SNAP47: variants seen among roughly 807,000 people sequenced by gnomAD.
The protein encoded by SNAP47 is synaptosome associated protein 47.
Under a neutral mutation model 31.4 loss-of-function variants are expected in SNAP47, and 20 were observed. That is an observed-to-expected ratio of 0.64 (90% CI 0.45 to 0.93). The LOEUF is 0.93. Ranked by LOEUF, SNAP47 falls within the 40% of genes least tolerant of loss-of-function variation. The pLI, the probability that SNAP47 is intolerant of heterozygous loss-of-function variation, is 0.00. For missense variants in SNAP47, 492 were observed against 528.5 expected, an observed-to-expected ratio of 0.93 and a Z score of 0.68; for synonymous variants, 194 against 213.4, an observed-to-expected ratio of 0.91 and a Z score of 0.79.
chr1:227,750,012 A>G (rs1246247227), intron 2 of SNAP47, among the ~76,000 whole-genome samples: 1 of 152,222 alleles, frequency 6.6e-6, no homozygotes, highest in Non-Finnish European at 1.5e-5. Context: ...TGTCCCTGGA[A>G]TCCCGCCTTG....
At chr1:227,732,697 A>G, upstream of SNAP47, 1 of 1,610,250 alleles carries the variant, frequency 6.2e-7, no homozygotes, top group Non-Finnish European at 8.5e-7. Flanking sequence ...GGAAGAGGCC[A>G]GTGAGCTAAC....
chr1:227,759,066 C>A lies in SNAP47; in HGVS notation c.569C>A (p.Thr190Lys), dbSNP rs533031850. The A allele has an allele frequency of 6.2e-7, 1 of 1,614,050 alleles. No individual in the cohort carries two copies. Among genetic ancestry groups the A allele is most frequent in the Admixed American group, 1.7e-5 (1 of 60,000 alleles). ...SSKLWKTPPE[T>K]KPREDVSMTS... ...AAGCTTTGGAAGACACCACCGGAAA[C>A]AAAGCCCAGGGAAGATGTCTCCATG... The change falls in exon 3 of 5, where the codon ACA becomes AAA. Residue 190 changes from threonine (T) to lysine (K), a missense_variant. Physicochemically the swap from Thr to Lys is moderately conservative, Grantham distance 78 (BLOSUM62 -1). Transcript: ENST00000617596.
intron 4 of SNAP47, 71 bp from the exon 5 acceptor site, chr1:227,780,456 G>C (rs1478371531): frequency 1.3e-6 from 2 of 1,593,774 alleles, no homozygotes; most frequent in Non-Finnish European, 1.7e-6. Context: ...GTGTGTGAGA[G>C]GGGGAGATGT....
chr1:227,742,417 A>G (rs558205892), intron 1 of SNAP47, among the ~76,000 whole-genome samples: 1 of 152,262 alleles, frequency 6.6e-6, no homozygotes, highest in East Asian at 1.9e-4. Flanking sequence ...TGAATTTGAA[A>G]GATTTTAGAG....
chr1:227,746,348 C>G (rs1661961695), intron 1 of SNAP47: 2 of 152,268 alleles, frequency 1.3e-5, no homozygotes, highest in South Asian at 4.1e-4. Context: ...ACACCTCCTT[C>G]CCTGCAGTGG....
At chr1:227,750,413 T>G (rs1287963742) in intron 2 of SNAP47, among the ~76,000 whole-genome samples, 2 of 152,272 alleles carry the variant, frequency 1.3e-5, no homozygotes, top group African/African-American at 4.8e-5. Flanking sequence ...CTATTTAATC[T>G]CATGGACACA....
At chr1:227,756,208 A>G (rs139130179) in intron 2 of SNAP47, among the ~76,000 whole-genome samples, 1 of 152,338 alleles carries the variant, frequency 6.6e-6, no homozygotes, top group African/African-American at 2.4e-5. Flanking sequence ...TGGTAAAGTA[A>G]TAGGAAAGAA....
At chr1:227,734,641 GC>G, upstream of SNAP47, 1 of 1,613,578 alleles carries the variant, frequency 6.2e-7, no homozygotes, top group Non-Finnish European at 8.5e-7. Context: ...TGCGTCCCAA[GC>G]CCCATTACCT....
Position 227,736,686 on chromosome 1 carries a change from G to GTT in SNAP47, c.-46+1204_-46+1205dup, listed in dbSNP as rs112159513. On this transcript the variant is annotated intron_variant, in intron 1 of 4. Transcript: ENST00000617596. Reference sequence around the variant, plus strand: ...AGCTTAGTTTTGTTTTTTTGTTTTTGTTTTTTTTTTTTTTTTTTGTAGAGA... The same window carrying GTT: ...AGCTTAGTTTTGTTTTTTTGTTTTTGTTTTTTTTTTTTTTTTTTTTGTAGAGA... Among the ~76,000 whole-genome samples, 37 of 110,920 alleles carry GTT rather than the reference G, an allele frequency of 3.3e-4. 1 individual carries two copies. The highest frequency in any genetic ancestry group is 7.1e-4 in the African/African-American group (20 of 28,322). 72.8% of individuals were successfully genotyped at this position (110,920 alleles called of 152,430 possible).
chr1:227,741,715 G>A lies in SNAP47; in HGVS notation c.-45-5977G>A, dbSNP rs1558190895. Among the ~76,000 whole-genome samples the A allele has an allele frequency of 5.3e-5, 8 of 152,126 alleles. No individual in the cohort carries two copies. Among genetic ancestry groups the A allele is most frequent in the Admixed American group, 2.0e-4 (3 of 15,282 alleles). ...GTGGCCTCTGTGTGGGGCCAGGCGT[G>A]TCGTCGGGTAGGGGAATGGCTGGCC... is the stretch of plus-strand genomic sequence containing the variant. On this transcript the variant is annotated intron_variant, in intron 1 of 4. Coordinates refer to ENST00000617596, the MANE Select transcript of SNAP47 (RefSeq NM_053052.4). The surrounding 1 kb of genome is among the most constrained non-coding windows in gnomAD (Gnocchi z 4.2).
In SNAP47 at chr1:227,744,567, C is replaced by A. The variant is rs12564736; in HGVS notation, c.-45-3125C>A. On this transcript the variant is annotated intron_variant, in intron 1 of 4. Transcript: ENST00000617596. ...CTCCCCCTCCTCTCTTCCCCTTCTC[C>A]CTCCCTCCCCCTCCTCTCCTTCCTC... 4.4e-3 allele frequency among the ~76,000 whole-genome samples: 669 copies of A among 151,632 alleles called. 17 individuals carry two copies. The South Asian group carries it at 0.053, about 12-fold the overall frequency.
chr1:227,739,385 C>A (rs987565474), intron 1 of SNAP47, among the ~76,000 whole-genome samples: 3 of 152,170 alleles, frequency 2.0e-5, no homozygotes, highest in African/African-American at 7.2e-5. Flanking sequence ...CGAATATGTG[C>A]TCCTCTGTCA....
In SNAP47 at chr1:227,741,029, C is replaced by A. The variant is rs1261078984; in HGVS notation, c.-46+5530C>A. Among the ~76,000 whole-genome samples the A allele has an allele frequency of 6.8e-6, 1 of 148,076 alleles. No individual in the cohort carries two copies. The highest frequency in any genetic ancestry group is 1.5e-5 in the Non-Finnish European group (1 of 67,860). On this transcript the variant is annotated intron_variant, in intron 1 of 4. Coordinates refer to ENST00000617596, the MANE Select transcript of SNAP47 (RefSeq NM_053052.4). This position sits in a 1 kb window ranked among gnomAD's most constrained non-coding sequence, Gnocchi z 4.2. Reference sequence around the variant, plus strand: ...TGCCCAGCGGGTGATAGGGGAGGGCCTGTGAAGTTGGGTTGCCCGTTAGGG... The same window carrying A: ...TGCCCAGCGGGTGATAGGGGAGGGCATGTGAAGTTGGGTTGCCCGTTAGGG...
chr1:227,732,693 G>T, upstream of SNAP47: 1 of 1,610,682 alleles, frequency 6.2e-7, no homozygotes, highest in Non-Finnish European at 8.5e-7. Context: ...AGAGGGAAGA[G>T]GCCAGTGAGC....
chr1:227,731,869 CA>C, upstream of SNAP47: 1 of 159,568 alleles, frequency 6.3e-6, no homozygotes, highest in Non-Finnish European at 1.4e-5. Context: ...TCTGGGTACC[CA>C]GAGGAAGGCG....
At chr1:227,742,325 C>T (rs1661663883) in intron 1 of SNAP47, among the ~76,000 whole-genome samples, 1 of 152,168 alleles carries the variant, frequency 6.6e-6, no homozygotes, top group African/African-American at 2.4e-5. Flanking sequence ...GCCTGGACCT[C>T]CCAGGCTCAA....
intron 1 of SNAP47, among the ~76,000 whole-genome samples, chr1:227,740,672 T>C (rs1187810908): frequency 6.6e-6 from 1 of 152,112 alleles, no homozygotes; most frequent in Non-Finnish European, 1.5e-5. Context: ...GCCCAGACAA[T>C]GCCTGTGCCA....
rs190082531 is a variant in SNAP47, at chr1:227,741,538, G to C, written c.-46+6039G>C. Among the ~76,000 whole-genome samples the C allele has an allele frequency of 6.6e-6, 1 of 152,228 alleles. No homozygotes were observed. The highest frequency in any genetic ancestry group is 1.5e-5 in the Non-Finnish European group (1 of 68,040). ...CATTCCACCCCAGCAGAGCTGTGTA[G>C]TGGTGACGGAGACCATGCGTGGTCC... On this transcript the variant is annotated intron_variant, in intron 1 of 4. Coordinates refer to ENST00000617596, the MANE Select transcript of SNAP47 (RefSeq NM_053052.4). The surrounding 1 kb of genome is among the most constrained non-coding windows in gnomAD (Gnocchi z 4.2).
At chr1:227,766,396 C>T (rs1663403647) in intron 3 of SNAP47, among the ~76,000 whole-genome samples, 2 of 152,240 alleles carry the variant, frequency 1.3e-5, no homozygotes, top group East Asian at 1.9e-4. Context: ...CCACCTTCTG[C>T]GGAGCGAGAC....
Sources: gnomAD v4.1 joint callset for allele counts (sites outside exome capture counted in the v4.1 genomes callset) on GRCh38, gnomAD v4.1.1 for gene constraint, Gnocchi (gnomAD v3.1) non-coding constraint, MANE v1.5 for transcripts, NCBI Gene and HGNC (gene_info 2026-07-23, HGNC 2026-07-21) for gene names.